The following SYT1 variants were observed in gnomAD, a reference collection of about 807,000 sequenced individuals.
SYT1 encodes synaptotagmin 1.
In SYT1, 8 loss-of-function variants were observed where a neutral mutation model predicts 44.8. The observed-to-expected ratio is 0.18, with a 90% CI of 0.10 to 0.32. The LOEUF (loss-of-function observed/expected upper bound fraction) is 0.32, where lower values mean the gene tolerates loss of function less well. SYT1 is among the 10% of genes least tolerant of loss of function. The pLI is 1.00. For missense variants in SYT1, 286 were observed against 509.3 expected, an observed-to-expected ratio of 0.56 and a Z score of 4.22; for synonymous variants, 154 against 188.8, an observed-to-expected ratio of 0.82 and a Z score of 1.51.
At chr12:79,278,710 C>T (rs888545077) in intron 4 of SYT1, among the ~76,000 whole-genome samples, 3 of 151,532 alleles carry the variant, frequency 2.0e-5, no homozygotes, top group Non-Finnish European at 4.4e-5. Context: ...ATCAATGAAA[C>T]AAAAAGTTGG....
intron 2 of SYT1, among the ~76,000 whole-genome samples, chr12:78,994,297 A>G (rs1870213187): frequency 6.6e-6 from 1 of 152,132 alleles, no homozygotes; most frequent in South Asian, 2.1e-4. Flanking sequence ...GATAAATAAA[A>G]CATTAGTTGT....
intron 2 of SYT1, among the ~76,000 whole-genome samples, chr12:78,998,498 C>A (rs1870522842): frequency 6.6e-6 from 1 of 152,158 alleles, no homozygotes; most frequent in Non-Finnish European, 1.5e-5. Flanking sequence ...CAGCACCTAG[C>A]ATAGGGCCTG....
intron 1 of SYT1, among the ~76,000 whole-genome samples, chr12:78,897,614 T>C (rs1875433716): frequency 6.6e-6 from 1 of 152,050 alleles, no homozygotes; most frequent in South Asian, 2.1e-4. Flanking sequence ...TATGCTGATA[T>C]GCTCAATAAT....
At chr12:79,092,395 T>C (rs1592741425) in intron 3 of SYT1, among the ~76,000 whole-genome samples, 1 of 151,590 alleles carries the variant, frequency 6.6e-6, no homozygotes, top group South Asian at 2.1e-4. Flanking sequence ...ATAAGAATAC[T>C]CACAAATAGT....
chr12:78,961,076 C>G (rs1879475686), intron 1 of SYT1, among the ~76,000 whole-genome samples: 1 of 151,528 alleles, frequency 6.6e-6, no homozygotes, highest in African/African-American at 2.4e-5. Flanking sequence ...TTGCTGTTTC[C>G]TTAAGTTTGC....
rs180834257 is a variant in SYT1, at chr12:79,087,941, A to G, written c.-18+40579A>G. On this transcript the variant is annotated intron_variant, in intron 3 of 10. Coordinates refer to ENST00000261205, the MANE Select transcript of SYT1 (RefSeq NM_005639.3). Reference sequence around the variant, plus strand: ...CAAACTGATATTCCTCTGAGTTTTCAAGTTGGAGAACTGGCCCTTAGGGTA... The same window carrying G: ...CAAACTGATATTCCTCTGAGTTTTCGAGTTGGAGAACTGGCCCTTAGGGTA... 1.4e-4 allele frequency among the ~76,000 whole-genome samples: 21 copies of G among 152,186 alleles called. 1 individual carries two copies. The East Asian group carries it at 4.1e-3, about 30-fold the overall frequency.
intron 1 of SYT1, among the ~76,000 whole-genome samples, chr12:78,904,794 A>G (rs1175868749): frequency 6.6e-6 from 1 of 152,152 alleles, no homozygotes; most frequent in Non-Finnish European, 1.5e-5. Context: ...TTTAACCTGA[A>G]AGATCAAATT....
intron 8 of SYT1, among the ~76,000 whole-genome samples, chr12:79,327,738 A>T (rs1194652574): frequency 1.3e-5 from 2 of 152,218 alleles, no homozygotes; most frequent in African/African-American, 4.8e-5. Flanking sequence ...GGATGATGCT[A>T]TCTGGAAGTG....
chr12:78,935,513 A>AATG (rs1419771271), intron 1 of SYT1, among the ~76,000 whole-genome samples: 1 of 152,166 alleles, frequency 6.6e-6, no homozygotes, highest in African/African-American at 2.4e-5. Context: ...TCCAAAAAGG[A>AATG]ATGTGAATAT....
intron 2 of SYT1, among the ~76,000 whole-genome samples, chr12:78,978,659 G>A (rs1869022075): frequency 6.6e-6 from 1 of 152,180 alleles, no homozygotes; most frequent in South Asian, 2.1e-4. Context: ...TAAACGTGAG[G>A]TGATTAGATT....
intron 9 of SYT1, among the ~76,000 whole-genome samples, chr12:79,437,638 G>C (rs1325602470): frequency 1.3e-5 from 2 of 152,182 alleles, no homozygotes; most frequent in Non-Finnish European, 2.9e-5. Flanking sequence ...TTTGTACCTA[G>C]TTCCAGTCTT....
At chr12:78,990,695 T>G (rs1382556397) in intron 2 of SYT1, among the ~76,000 whole-genome samples, 3 of 152,184 alleles carry the variant, frequency 2.0e-5, no homozygotes, top group Admixed American at 2.0e-4. Flanking sequence ...TGTTTGTGTC[T>G]CCTTGATATG....
At chr12:78,933,741 G>T (rs1877883303) in intron 1 of SYT1, among the ~76,000 whole-genome samples, 1 of 152,074 alleles carries the variant, frequency 6.6e-6, no homozygotes, top group South Asian at 2.1e-4. Context: ...TTCCATCACA[G>T]ATATTAGCAT....
At chr12:78,952,674 T>C (rs1483472160) in intron 1 of SYT1, among the ~76,000 whole-genome samples, 1 of 152,152 alleles carries the variant, frequency 6.6e-6, no homozygotes, top group African/African-American at 2.4e-5. Context: ...TACATTCCCC[T>C]ATGTTCTTCT....
intron 3 of SYT1, among the ~76,000 whole-genome samples, chr12:79,101,117 T>C (rs1343851350): frequency 2.6e-5 from 4 of 152,186 alleles, no homozygotes; most frequent in African/African-American, 9.6e-5. Flanking sequence ...AGAAAAACTG[T>C]ACCTTAAAAT....
At chr12:79,390,528 T>TTA (rs1555222801) in intron 9 of SYT1, among the ~76,000 whole-genome samples, 6 of 152,148 alleles carry the variant, frequency 3.9e-5, no homozygotes, top group African/African-American at 1.2e-4. Flanking sequence ...GCTTTTTTTT[T>TTA]ATTTTCAATT....
rs150585274 is a variant in SYT1, at chr12:79,116,007, C to A, written c.-18+68645C>A. On this transcript the variant is annotated intron_variant, in intron 3 of 10. Coordinates refer to ENST00000261205, the MANE Select transcript of SYT1 (RefSeq NM_005639.3). ...TGATGTGAACAAGATAGCATACAAC[C>A]TTTGAACTTAGATATTTGTTTGATA... 6.9e-4 allele frequency among the ~76,000 whole-genome samples: 105 copies of A among 152,254 alleles called. 1 individual carries two copies. The highest frequency in any genetic ancestry group is 2.5e-3 in the African/African-American group (102 of 41,556).
chr12:79,306,726 C>T (rs571221520), intron 8 of SYT1, among the ~76,000 whole-genome samples: 29 of 152,178 alleles, frequency 1.9e-4, no homozygotes, highest in Non-Finnish European at 3.8e-4. Context: ...GAGTTTTCAG[C>T]TGAATTTTAA....
At chr12:79,167,431 T>C (rs544442825) in intron 3 of SYT1, among the ~76,000 whole-genome samples, 2 of 152,138 alleles carry the variant, frequency 1.3e-5, no homozygotes, top group South Asian at 2.1e-4. Flanking sequence ...TGTGTGCTTG[T>C]GTGTAGTGGA....
Sources: gnomAD v4.1 joint callset for allele counts (sites outside exome capture counted in the v4.1 genomes callset) on GRCh38, gnomAD v4.1.1 for gene constraint, MANE v1.5 for transcripts, NCBI Gene and HGNC (gene_info 2026-07-23, HGNC 2026-07-21) for gene names.